HS6ST3: variants seen among roughly 807,000 people sequenced by gnomAD.
The protein encoded by HS6ST3 is heparan-sulfate 6-O-sulfotransferase 3.
In HS6ST3, 12 loss-of-function variants were observed where a neutral mutation model predicts 36.7. The observed-to-expected ratio is 0.33, with a 90% confidence interval of 0.21 to 0.53. The LOEUF (loss-of-function observed/expected upper bound fraction) is 0.53. Among genes scored for constraint, HS6ST3 ranks in the 20% least tolerant of loss-of-function variants. HS6ST3 has a pLI of 0.95. For synonymous variants in HS6ST3, 240 were observed against 257.5 expected (o/e 0.93, Z 0.65); for missense variants, 584 against 640.9 (o/e 0.91, Z 0.96).
intron 1 of HS6ST3, among the ~76,000 whole-genome samples, chr13:96,106,313 G>A (rs2053841371): frequency 6.6e-6 from 1 of 152,168 alleles, no homozygotes. Flanking sequence ...GTTATAAAAG[G>A]ACTGTGGCTT....
At chr13:96,288,478 C>G (rs1442962355) in intron 1 of HS6ST3, among the ~76,000 whole-genome samples, 5 of 151,960 alleles carry the variant, frequency 3.3e-5, no homozygotes, top group Non-Finnish European at 7.4e-5. Flanking sequence ...GGGTTACTGT[C>G]TGGGAATATA....
chr13:96,351,480 T>G (rs1204156791), intron 1 of HS6ST3, among the ~76,000 whole-genome samples: 2 of 151,984 alleles, frequency 1.3e-5, no homozygotes, highest in Non-Finnish European at 2.9e-5. Context: ...TCTGGCAAAT[T>G]TTTCTATGTT....
intron 1 of HS6ST3, among the ~76,000 whole-genome samples, chr13:96,188,504 A>G (rs1355896061): frequency 6.6e-6 from 1 of 152,182 alleles, no homozygotes; most frequent in Non-Finnish European, 1.5e-5. Context: ...AAAAGTAAGT[A>G]AAATCTTGAT....
Position 96,620,855 on chromosome 13 carries a change from G to C in HS6ST3, c.708-211635G>C, listed in dbSNP as rs183927053. On this transcript the variant is annotated intron_variant, in intron 1 of 1. Coordinates refer to ENST00000376705, the MANE Select transcript of HS6ST3 (RefSeq NM_153456.4). ...TCAGCAATTAATTTTTTTTTAAATA[G>C]GAAATCTTGATGCCACCTTCACTGG... 9.2e-4 allele frequency among the ~76,000 whole-genome samples: 140 copies of C among 151,796 alleles called. 1 individual carries two copies. The highest frequency in any genetic ancestry group is 3.7e-4 in the Non-Finnish European group (25 of 67,746).
At chr13:96,437,031 T>C (rs1377744178) in intron 1 of HS6ST3, among the ~76,000 whole-genome samples, 2 of 152,192 alleles carry the variant, frequency 1.3e-5, no homozygotes, top group East Asian at 1.9e-4. Context: ...GGGGAGCATA[T>C]TTTAGGACAA....
At chr13:96,530,646 C>A (rs528890046) in intron 1 of HS6ST3, among the ~76,000 whole-genome samples, 2 of 152,162 alleles carry the variant, frequency 1.3e-5, no homozygotes, top group South Asian at 4.1e-4. Flanking sequence ...CATGAGCCAC[C>A]ATGTCTGGCC....
Position 96,524,659 on chromosome 13 carries a change from GCT to G in HS6ST3, c.708-307829_708-307828del, listed in dbSNP as rs1182804357. On this transcript the variant is annotated intron_variant, in intron 1 of 1. Transcript: ENST00000376705. ...GACTGCTGCGCTAACAGCGAGCAAG[GCT>G]CCGTGGGCATGGGACCTGCCGAGCC... Among the ~76,000 whole-genome samples, 3 of 152,232 alleles carry G rather than the reference GCT, an allele frequency of 2.0e-5. No homozygotes were observed. The East Asian group carries it at 5.8e-4, about 29-fold the overall frequency.
chr13:96,592,760 C>A, intron 1 of HS6ST3, among the ~76,000 whole-genome samples: 1 of 152,000 alleles, frequency 6.6e-6, no homozygotes, highest in Admixed American at 6.6e-5. Context: ...TCACGCCACT[C>A]TTTCCTGGCC....
At chr13:96,799,998 GTATA>G (rs374525350) in intron 1 of HS6ST3, among the ~76,000 whole-genome samples, 3 of 75,304 alleles carry the variant, frequency 4.0e-5, no homozygotes. Context: ...ATATATATAT[GTATA>G]TATATATATA....
intron 1 of HS6ST3, among the ~76,000 whole-genome samples, chr13:96,397,259 A>G (rs56682733): frequency 6.6e-6 from 1 of 152,152 alleles, no homozygotes; most frequent in Non-Finnish European, 1.5e-5. Flanking sequence ...AATAATTTAC[A>G]ATATAGGTAT....
chr13:96,254,393 G>GAT (rs1023791047), intron 1 of HS6ST3, among the ~76,000 whole-genome samples: 13 of 118,530 alleles, frequency 1.1e-4, no homozygotes, highest in Non-Finnish European at 2.0e-4. Flanking sequence ...CAGCCTGGGC[G>GAT]ATAGAGTGAG....
intron 1 of HS6ST3, among the ~76,000 whole-genome samples, chr13:96,689,606 C>CTTTTTTTTTTTTTTTTTTTTTTGTT: frequency 9.9e-6 from 1 of 101,232 alleles, no homozygotes; most frequent in Non-Finnish European, 1.9e-5. Flanking sequence ...TTCTTTCTTT[C>CTTTTTTTTTTTTTTTTTTTTTTGTT]TTTTTTTTTT....
intron 1 of HS6ST3, among the ~76,000 whole-genome samples, chr13:96,297,250 G>C (rs1436071813): frequency 6.6e-6 from 1 of 151,826 alleles, no homozygotes; most frequent in African/African-American, 2.4e-5. Context: ...TTTCTGCACA[G>C]GTTTCTAGTT....
At chr13:96,515,832 C>T (rs1246949785) in intron 1 of HS6ST3, among the ~76,000 whole-genome samples, 3 of 152,062 alleles carry the variant, frequency 2.0e-5, no homozygotes, top group East Asian at 1.9e-4. Flanking sequence ...AATTACCCAG[C>T]CTTAGGTATG....
At chr13:96,682,863 C>T (rs2056723052) in intron 1 of HS6ST3, among the ~76,000 whole-genome samples, 1 of 152,132 alleles carries the variant, frequency 6.6e-6, no homozygotes, top group Admixed American at 6.6e-5. Flanking sequence ...TTAGTGTCAC[C>T]CGAAAAAGAA....
chr13:96,394,447 C>T (rs1474415079), intron 1 of HS6ST3, among the ~76,000 whole-genome samples: 1 of 152,162 alleles, frequency 6.6e-6, no homozygotes, highest in African/African-American at 2.4e-5. Flanking sequence ...TCACTCCTGT[C>T]CTGCATTCAT....
intron 1 of HS6ST3, among the ~76,000 whole-genome samples, chr13:96,319,562 A>G (rs2054993433): frequency 6.6e-6 from 1 of 152,186 alleles, no homozygotes; most frequent in Admixed American, 6.5e-5. Context: ...TCTTTGAAAG[A>G]CTGCAAGACT....
At chr13:96,257,425 T>G (rs2054642472) in intron 1 of HS6ST3, among the ~76,000 whole-genome samples, 1 of 152,190 alleles carries the variant, frequency 6.6e-6, no homozygotes, top group African/African-American at 2.4e-5. Flanking sequence ...GATTATCATA[T>G]TTATCTGAGA....
intron 1 of HS6ST3, among the ~76,000 whole-genome samples, chr13:96,614,547 A>G (rs1437039513): frequency 6.6e-6 from 1 of 152,122 alleles, no homozygotes; most frequent in Non-Finnish European, 1.5e-5. Flanking sequence ...AGCATAAATA[A>G]TAGAAGCAGC....
Sources: allele counts gnomAD v4.1 joint callset (sites outside exome capture counted in the v4.1 genomes callset), GRCh38; gene constraint gnomAD v4.1.1; transcripts MANE v1.5; gene names NCBI Gene and HGNC (gene_info 2026-07-23, HGNC 2026-07-21).